The following P2RY8 variants were observed in gnomAD, a reference collection of about 807,000 sequenced individuals.
P2RY8 encodes P2Y receptor family member 8.
A neutral mutation model predicts 10.0 loss-of-function variants in P2RY8; 6 were observed. The ratio of observed to expected loss-of-function variants is 0.60; its 90% confidence interval spans 0.33 to 1.19. The LOEUF is 1.19. Among genes scored for constraint, P2RY8 ranks in the 50% most tolerant of loss-of-function variants. The pLI, the probability that P2RY8 is intolerant of heterozygous loss-of-function variation, is 0.04. For missense variants in P2RY8, 456 were observed against 542.0 expected, an observed-to-expected ratio of 0.84 and a Z score of 1.58; for synonymous variants, 276 against 252.5, an observed-to-expected ratio of 1.09 and a Z score of -0.88.
chrX:1,511,562 T>A (rs1370619703), intron 1 of P2RY8, among the ~76,000 whole-genome samples: 1 of 152,188 alleles, frequency 6.6e-6, no homozygotes, highest in African/African-American at 2.4e-5. Flanking sequence ...GTCTGTCACC[T>A]AGGCTGGAAT....
chrX:1,484,881 C>T (rs73628517), intron 1 of P2RY8, among the ~76,000 whole-genome samples: 11,259 of 151,486 alleles, frequency 0.074, 816 homozygotes, highest in African/African-American at 0.19. Context: ...AAATAGTTAA[C>T]CATGTCATGC....
chrX:1,465,238 A>G lies in P2RY8; in HGVS notation c.*241T>C. 1.7e-6 allele frequency: 1 copy of G among 605,248 alleles called. No homozygotes were observed. Among genetic ancestry groups the G allele is most frequent in the South Asian group, 2.4e-5 (1 of 40,830 alleles). The allele number at this position is 605,248 out of a possible 1,614,324, so 37.5% of individuals were successfully genotyped here. ...AGGCACCCTCTGCAGGATAACAAGC[A>G]CCCTGTGCGCTGCTGGGCTTTGCTT... On this transcript the variant is annotated 3_prime_UTR_variant, in exon 2 of 2. Coordinates refer to ENST00000381297, the MANE Select transcript of P2RY8 (RefSeq NM_178129.5).
intron 1 of P2RY8, among the ~76,000 whole-genome samples, chrX:1,501,562 T>C (rs1228402212): frequency 2.6e-5 from 4 of 152,004 alleles, no homozygotes; most frequent in Non-Finnish European, 4.4e-5. Flanking sequence ...GGTCTCACTA[T>C]ATTGCCCCGT....
rs189584522 is a variant in P2RY8 at position 1,537,096 on chromosome X, G to A, written c.-200C>T. On this transcript the variant is annotated 5_prime_UTR_variant, in exon 1 of 2. Transcript: ENST00000381297. Reference sequence around the variant, plus strand: ...GAGAAGGTGTTCGTGGGCGGCAGACGGCTGCCCTTCCAGTTCCATCTGTCC... The same window carrying A: ...GAGAAGGTGTTCGTGGGCGGCAGACAGCTGCCCTTCCAGTTCCATCTGTCC... The A allele has an allele frequency of 4.9e-4, 113 of 232,734 alleles. No homozygotes were observed. The highest frequency in any genetic ancestry group is 2.3e-3 in the African/African-American group (104 of 45,422). 14.4% of individuals were successfully genotyped at this position (232,734 alleles called of 1,614,324 possible).
intron 1 of P2RY8, among the ~76,000 whole-genome samples, chrX:1,483,510 T>C (rs1215144389): frequency 6.6e-6 from 1 of 152,062 alleles, no homozygotes; most frequent in South Asian, 2.1e-4. Context: ...GGCGCATGCC[T>C]GTAATCCCAG....
intron 1 of P2RY8, among the ~76,000 whole-genome samples, chrX:1,500,585 C>CAGGT (rs1194007459): frequency 6.6e-6 from 1 of 151,562 alleles, no homozygotes; most frequent in Non-Finnish European, 1.5e-5. Context: ...GCTGGGATTC[C>CAGGT]AGGTACACGC....
At chrX:1,485,070 C>T (rs760327633) in intron 1 of P2RY8, among the ~76,000 whole-genome samples, 1 of 149,428 alleles carries the variant, frequency 6.7e-6, no homozygotes, top group South Asian at 2.1e-4. Context: ...CTCAAGAAAT[C>T]CTCCTGCCTC....
intron 1 of P2RY8, among the ~76,000 whole-genome samples, chrX:1,508,408 G>A (rs1283284432): frequency 6.6e-6 from 1 of 152,120 alleles, no homozygotes; most frequent in Non-Finnish European, 1.5e-5. Flanking sequence ...CACTGCACGG[G>A]ACGGCCCTGC....
intron 1 of P2RY8, among the ~76,000 whole-genome samples, chrX:1,524,429 C>G (rs1199011556): frequency 0.032 from 4,642 of 144,372 alleles, 462 homozygotes; most frequent in Non-Finnish European, 0.048. Context: ...ATCCATCCAT[C>G]CATCCATCCA....
rs766153343 is a variant in P2RY8, at chrX:1,467,527, C to T, written c.-24-945G>A. Among the ~76,000 whole-genome samples the T allele has an allele frequency of 1.4e-4, 22 of 152,286 alleles. No homozygotes were observed. The East Asian group carries it at 2.3e-3, about 16-fold the overall frequency. On this transcript the variant is annotated intron_variant, in intron 1 of 1. Transcript: ENST00000381297. ...AGCAGACCCTTCCTTCTTTGGGTTCCGCTTGGTGTGGCCGTGGGGGACGTC... is the reference window on the plus strand; with the variant it reads ...AGCAGACCCTTCCTTCTTTGGGTTCTGCTTGGTGTGGCCGTGGGGGACGTC...
chrX:1,494,787 C>T (rs758613915), intron 1 of P2RY8, among the ~76,000 whole-genome samples: 7 of 152,270 alleles, frequency 4.6e-5, no homozygotes, highest in African/African-American at 1.7e-4. Context: ...CTCACTGTCA[C>T]TTCCTCCTCC....
At chrX:1,484,164 G>A (rs148630363) in intron 1 of P2RY8, among the ~76,000 whole-genome samples, 1 of 152,278 alleles carries the variant, frequency 6.6e-6, no homozygotes, top group African/African-American at 2.4e-5. Flanking sequence ...AAAGGAGTGT[G>A]TTTTTCTCTT....
intron 1 of P2RY8, among the ~76,000 whole-genome samples, chrX:1,500,782 G>T: frequency 6.6e-6 from 1 of 152,170 alleles, no homozygotes; most frequent in Non-Finnish European, 1.5e-5. Flanking sequence ...GAGGCCCATT[G>T]CTCTGAGCCG....
chrX:1,463,469 C>T lies in P2RY8; in HGVS notation c.*2010G>A. 4.4e-6 allele frequency: 1 copy of T among 229,604 alleles called. No individual in the cohort carries two copies. The highest frequency in any genetic ancestry group is 8.6e-6 in the Non-Finnish European group (1 of 116,094). The allele number at this position is 229,604 out of a possible 1,614,324, so 14.2% of individuals were successfully genotyped here. A position where few individuals can be genotyped will look rare whatever the true frequency, so the allele number is the denominator to read the frequency against. ...CAGTCTGCCTCTGTCTCCACGTGTC[C>T]TCCTGCTCTGTGTCTGTGTCTCCTC... On this transcript the variant is annotated 3_prime_UTR_variant, in exon 2 of 2. Coordinates refer to ENST00000381297, the MANE Select transcript of P2RY8 (RefSeq NM_178129.5).
At chrX:1,475,966 A>C (rs1329613012) in intron 1 of P2RY8, among the ~76,000 whole-genome samples, 2 of 152,132 alleles carry the variant, frequency 1.3e-5, no homozygotes, top group Non-Finnish European at 2.9e-5. Context: ...TAGGGTAGGG[A>C]AGGAAGCAAG....
chrX:1,488,733 GGTGT>G lies in P2RY8; in HGVS notation c.-24-22155_-24-22152del, dbSNP rs771296428. 5.2e-3 allele frequency among the ~76,000 whole-genome samples: 764 copies of G among 147,592 alleles called. 8 individuals are homozygous for G. Among genetic ancestry groups the G allele is most frequent in the African/African-American group, 0.014 (568 of 40,188 alleles). On this transcript the variant is annotated intron_variant, in intron 1 of 1. Coordinates refer to ENST00000381297, the MANE Select transcript of P2RY8 (RefSeq NM_178129.5). The stretch of plus-strand genomic sequence containing the variant: ...CCCAGGATGGTCTTGGTAAATGCAG[GGTGT>G]GTGTGTGTGTGTGTGTGTGTGTGTG...
chrX:1,487,951 CT>C (rs1569537126), intron 1 of P2RY8, among the ~76,000 whole-genome samples: 1 of 151,928 alleles, frequency 6.6e-6, no homozygotes, highest in Admixed American at 6.6e-5. Flanking sequence ...TCTACTAAAA[CT>C]ATAAAAAATT....
intron 1 of P2RY8, among the ~76,000 whole-genome samples, chrX:1,512,352 T>G (rs1284964340): frequency 6.6e-6 from 1 of 151,820 alleles, no homozygotes; most frequent in African/African-American, 2.4e-5. Context: ...TTTGAGACCA[T>G]CCTGGCCAAC....
At chrX:1,482,096 C>G (rs1276594781) in intron 1 of P2RY8, among the ~76,000 whole-genome samples, 1 of 151,848 alleles carries the variant, frequency 6.6e-6, no homozygotes, top group African/African-American at 2.4e-5. Context: ...TCATCGCTGG[C>G]CAGAGAGCAG....
Sources: allele counts gnomAD v4.1 joint callset (sites outside exome capture counted in the v4.1 genomes callset), GRCh38; gene constraint gnomAD v4.1.1; transcripts MANE v1.5; gene names NCBI Gene and HGNC (gene_info 2026-07-23, HGNC 2026-07-21).